The following NTF3 variants were observed in gnomAD, a reference collection of about 807,000 sequenced individuals.
NTF3 encodes neurotrophin 3, also known as neurotrophin-3.
In NTF3, 8 loss-of-function variants were observed where a neutral mutation model predicts 26.3. The observed-to-expected ratio is 0.30, with a 90% CI of 0.18 to 0.55. NTF3 has a LOEUF of 0.55. Ranked by LOEUF, NTF3 falls within the 20% of genes least tolerant of loss-of-function variation. NTF3 has a pLI of 0.93. For synonymous variants in NTF3, 154 were observed against 145.5 expected (o/e 1.06, Z -0.42); for missense variants, 276 against 352.9 (o/e 0.78, Z 1.75).
chr12:5,430,771 A>G (rs889569415), upstream of NTF3, among the ~76,000 whole-genome samples: 1 of 152,060 alleles, frequency 6.6e-6, no homozygotes, highest in Admixed American at 6.6e-5. Flanking sequence ...CTCGAACGAC[A>G]GGGCAGGGAG....
chr12:5,485,513 G>A (rs994286399), intron 1 of NTF3, among the ~76,000 whole-genome samples: 15 of 152,164 alleles, frequency 9.9e-5, no homozygotes, highest in African/African-American at 3.4e-4. Context: ...GATAATAATC[G>A]TATCCACAAA....
chr12:5,455,715 G>A (rs1180890314), intron 1 of NTF3, among the ~76,000 whole-genome samples: 2 of 152,208 alleles, frequency 1.3e-5, no homozygotes, highest in East Asian at 3.9e-4. Flanking sequence ...GAAAGGAGGT[G>A]TGGCTCTGAG....
At chr12:5,451,968 C>T (rs1208418799) in intron 1 of NTF3, among the ~76,000 whole-genome samples, 8 of 152,218 alleles carry the variant, frequency 5.3e-5, no homozygotes, top group Non-Finnish European at 1.0e-4. Context: ...GCTGGGATTA[C>T]AGGCGTGAGC....
chr12:5,462,666 G>A (rs775235954), intron 1 of NTF3, among the ~76,000 whole-genome samples: 11 of 152,206 alleles, frequency 7.2e-5, no homozygotes, highest in Non-Finnish European at 1.6e-4. Context: ...GGCAGATGGA[G>A]AACAGCTGGA....
intron 1 of NTF3, among the ~76,000 whole-genome samples, chr12:5,492,424 G>A (rs1940949255): frequency 6.6e-6 from 1 of 152,238 alleles, no homozygotes; most frequent in Non-Finnish European, 1.5e-5. Flanking sequence ...GAGGGGAGTA[G>A]AGAATGTAAT....
chr12:5,473,318 C>G (rs1170904160), intron 1 of NTF3, among the ~76,000 whole-genome samples: 1 of 152,172 alleles, frequency 6.6e-6, no homozygotes, highest in Non-Finnish European at 1.5e-5. Context: ...AAATGTGGGC[C>G]CTGCCCTCAG....
Position 5,433,838 on chromosome 12 carries a change from C to A in NTF3, c.18+1496C>A, listed in dbSNP as rs1205735488. On this transcript the variant is annotated intron_variant, in intron 1 of 1. Transcript: ENST00000423158. This position sits in a 1 kb window ranked among gnomAD's most constrained non-coding sequence, Gnocchi z 4.6. ...GGACTTGTTTATGTGTGTGAAGAGG[C>A]GGGGGCGAGGGCCTGCTGAGAGGGG... Among the ~76,000 whole-genome samples, 1 of 138,332 alleles carries A rather than the reference C, an allele frequency of 7.2e-6. No homozygotes were observed. Among genetic ancestry groups the A allele is most frequent in the African/African-American group, 2.7e-5 (1 of 36,772 alleles). 90.8% of individuals were successfully genotyped at this position (138,332 alleles called of 152,430 possible). A position where few individuals can be genotyped will look rare whatever the true frequency, so the allele number is the denominator to read the frequency against.
At chr12:5,492,010 G>C (rs1047275456) in intron 1 of NTF3, among the ~76,000 whole-genome samples, 1 of 151,938 alleles carries the variant, frequency 6.6e-6, no homozygotes, top group Non-Finnish European at 1.5e-5. Context: ...CACCGTACCC[G>C]GCCTTTCTCC....
intron 1 of NTF3, among the ~76,000 whole-genome samples, chr12:5,489,835 T>C (rs890181488): frequency 6.6e-6 from 1 of 152,162 alleles, no homozygotes; most frequent in African/African-American, 2.4e-5. Context: ...TGTCAGCTGC[T>C]TCTTGAATAC....
intron 1 of NTF3, among the ~76,000 whole-genome samples, chr12:5,466,065 C>T (rs1445101346): frequency 1.3e-5 from 2 of 152,162 alleles, no homozygotes; most frequent in Admixed American, 1.3e-4. Flanking sequence ...TCTCAGCCTC[C>T]CTGAAGAATA....
At chr12:5,443,265 C>T (rs118078566) in intron 1 of NTF3, among the ~76,000 whole-genome samples, 1 of 152,150 alleles carries the variant, frequency 6.6e-6, no homozygotes, top group East Asian at 1.9e-4. Flanking sequence ...ATGTAAGGGC[C>T]CCCCCATCCC....
intron 1 of NTF3, among the ~76,000 whole-genome samples, chr12:5,459,109 G>C (rs1479192995): frequency 6.6e-6 from 1 of 152,100 alleles, no homozygotes; most frequent in Non-Finnish European, 1.5e-5. Context: ...TTTTCCCCTG[G>C]TGAGCACTGC....
At chr12:5,470,017 C>G (rs977625692) in intron 1 of NTF3, among the ~76,000 whole-genome samples, 1 of 152,180 alleles carries the variant, frequency 6.6e-6, no homozygotes, top group African/African-American at 2.4e-5. Flanking sequence ...CTCCGCCTCC[C>G]GGGTTCACTC....
intron 1 of NTF3, among the ~76,000 whole-genome samples, chr12:5,490,666 A>G (rs890493872): frequency 2.6e-5 from 4 of 152,222 alleles, no homozygotes; most frequent in Admixed American, 6.5e-5. Context: ...TCTTGCCCCC[A>G]GCAAATTCAG....
chr12:5,473,141 T>C (rs1447911815), intron 1 of NTF3, among the ~76,000 whole-genome samples: 2 of 152,218 alleles, frequency 1.3e-5, no homozygotes, highest in Non-Finnish European at 2.9e-5. Flanking sequence ...TATCCTCTCT[T>C]TCTGCCACTG....
chr12:5,481,493 G>GAC (rs1565395242), intron 1 of NTF3, among the ~76,000 whole-genome samples: 1 of 13,936 alleles, frequency 7.2e-5, no homozygotes, highest in Non-Finnish European at 1.7e-4. Flanking sequence ...GCACACCACA[G>GAC]ATACACAGAA....
chr12:5,439,070 G>A (rs914158944), intron 1 of NTF3, among the ~76,000 whole-genome samples: 17 of 152,206 alleles, frequency 1.1e-4, no homozygotes, highest in African/African-American at 3.4e-4. Context: ...TACACAGGGT[G>A]TGCAGAGCTG....
chr12:5,470,216 G>A (rs937398679), intron 1 of NTF3, among the ~76,000 whole-genome samples: 8 of 152,272 alleles, frequency 5.3e-5, no homozygotes, highest in African/African-American at 1.7e-4. Context: ...GAGCCACTGC[G>A]CTCGGCCTCC....
chr12:5,448,347 T>C (rs1342387434), intron 1 of NTF3, among the ~76,000 whole-genome samples: 1 of 152,214 alleles, frequency 6.6e-6, no homozygotes, highest in African/African-American at 2.4e-5. Context: ...TGGAATTTGC[T>C]GTTCCTTTTC....
Sources: allele counts gnomAD v4.1 joint callset (sites outside exome capture counted in the v4.1 genomes callset), GRCh38; gene constraint gnomAD v4.1.1; non-coding constraint Gnocchi (gnomAD v3.1); transcripts MANE v1.5; gene names NCBI Gene and HGNC (gene_info 2026-07-23, HGNC 2026-07-21).